Variants in TM9SF2 observed in about 807,000 individuals in gnomAD.
TM9SF2 encodes the protein 76 kDa membrane protein.
A neutral mutation model predicts 84.9 loss-of-function variants in TM9SF2; 13 were observed. The ratio of observed to expected loss-of-function variants is 0.15; its 90% CI spans 0.10 to 0.24. The LOEUF (loss-of-function observed/expected upper bound fraction) is 0.24. Among genes scored for constraint, TM9SF2 ranks in the 10% least tolerant of loss-of-function variants. The probability of loss-of-function intolerance (pLI) is 1.00; values close to 1 mark genes in which losing one functional copy is unlikely to be tolerated. For synonymous variants in TM9SF2, 273 were observed against 285.8 expected, an observed-to-expected ratio of 0.96 and a Z score of 0.45; for missense variants, 562 against 818.5, an observed-to-expected ratio of 0.69 and a Z score of 3.82.
In TM9SF2 at chr13:99,562,777, G is replaced by GT; in HGVS notation, c.*21dup. 2 of 1,605,998 alleles carry GT rather than the reference G, an allele frequency of 1.2e-6. No individual in the cohort carries two copies. The highest frequency in any genetic ancestry group is 1.7e-6 in the Non-Finnish European group (2 of 1,176,990). ...TGACTGAAGAAGTCCAGTGTGTCCA[G>GT]TTAAAACAGAAATAAATTAAACTCT... On this transcript the variant is annotated 3_prime_UTR_variant, in exon 17 of 17. Coordinates refer to ENST00000376387, the MANE Select transcript of TM9SF2 (RefSeq NM_004800.3).
At position 99,540,802 on chromosome 13, in the gene TM9SF2, A is replaced by G; in HGVS notation, c.908+9A>G. 1.2e-6 allele frequency: 2 copies of G among 1,612,098 alleles called. No individual in the cohort carries two copies. The highest frequency in any genetic ancestry group is 1.7e-6 in the Non-Finnish European group (2 of 1,178,498). ...CACATTCAGTGGTTTAGGTAAGAGTACAGAGTTAGCCTGCTTTTGCTTTCT... is the reference window on the plus strand; with the variant it reads ...CACATTCAGTGGTTTAGGTAAGAGTGCAGAGTTAGCCTGCTTTTGCTTTCT... On this transcript the variant is annotated intron_variant, in intron 8 of 16. Coordinates refer to ENST00000376387, the MANE Select transcript of TM9SF2 (RefSeq NM_004800.3).
chr13:99,508,444 C>CACACACACACACACACACACA (rs1555339315), intron 1 of TM9SF2, among the ~76,000 whole-genome samples: 3 of 143,506 alleles, frequency 2.1e-5, no homozygotes, highest in African/African-American at 5.2e-5. Flanking sequence ...CACACACACA[C>CACACACACACACACACACACA]CCCAGAGATT....
intron 6 of TM9SF2, 70 bp downstream of exon 6, chr13:99,537,933 G>A (rs779165260): frequency 2.0e-4 from 303 of 1,507,824 alleles, no homozygotes; most frequent in Middle Eastern, 9.7e-4. Context: ...AGTATTTGGG[G>A]CTCAATTACT....
At chr13:99,533,886 C>T (rs2046222106) in intron 4 of TM9SF2, among the ~76,000 whole-genome samples, 1 of 152,100 alleles carries the variant, frequency 6.6e-6, no homozygotes, top group Non-Finnish European at 1.5e-5. Flanking sequence ...GGCCAGGCTG[C>T]TCTCGAACTC....
At chr13:99,552,783 TA>T (rs1456080944) in intron 13 of TM9SF2, among the ~76,000 whole-genome samples, 1 of 152,202 alleles carries the variant, frequency 6.6e-6, no homozygotes, top group Non-Finnish European at 1.5e-5. Context: ...TTTGTATTTT[TA>T]GTGGAGACAA....
chr13:99,558,233 A>G (rs1309832959), intron 15 of TM9SF2, among the ~76,000 whole-genome samples: 1 of 152,226 alleles, frequency 6.6e-6, no homozygotes, highest in Non-Finnish European at 1.5e-5. Flanking sequence ...GCTTCGTAGT[A>G]AGTTTTGAAA....
chr13:99,560,686 A>G (rs1013946164), intron 16 of TM9SF2, among the ~76,000 whole-genome samples: 1 of 151,940 alleles, frequency 6.6e-6, no homozygotes, highest in South Asian at 2.1e-4. Flanking sequence ...TATTTATTTT[A>G]TTTTTATTTT....
Position 99,536,642 on chromosome 13 carries a change from G to A in TM9SF2, c.496G>A (p.Asp166Asn), listed in dbSNP as rs2046235841. Residue 166 changes from aspartate to asparagine, a missense_variant, in exon 5 of 17, where the codon GAT becomes AAT. Around this residue, in one of 4 missense-constraint regions of TM9SF2, gnomAD observed 267 missense variants for 316.7 expected, o/e 0.84. Transcript: ENST00000376387. Reference sequence around the variant, plus strand: ...TAATATGCCTGTAACGTGGTGTTACGATGTTGAAGATGGTCAGAGGTTCTG... The same window carrying A: ...TAATATGCCTGTAACGTGGTGTTACAATGTTGAAGATGGTCAGAGGTTCTG... ...VDNMPVTWCYDVEDGQRFCNP... is the reference protein window; with the variant it reads ...VDNMPVTWCYNVEDGQRFCNP... The A allele has an allele frequency of 1.2e-6, 2 of 1,613,668 alleles. No individual in the cohort carries two copies. Among genetic ancestry groups the A allele is most frequent in the East Asian group, 2.2e-5 (1 of 44,828 alleles).
At position 99,513,835 on chromosome 13, in the gene TM9SF2, A is replaced by C. The variant is rs144982247; in HGVS notation, c.172-3779A>C. The stretch of plus-strand genomic sequence containing the variant: ...GTGAAAGTTTTATTGGGCTACAGCC[A>C]TGCTCACTTGTGGATGTAGTGTCTA... On this transcript the variant is annotated intron_variant, in intron 1 of 16. Transcript: ENST00000376387. Among the ~76,000 whole-genome samples, 5 of 152,376 alleles carry C rather than the reference A, an allele frequency of 3.3e-5. No individual in the cohort carries two copies. In the East Asian group the frequency reaches 9.6e-4, roughly 29 times the overall value.
intron 3 of TM9SF2, among the ~76,000 whole-genome samples, chr13:99,524,115 T>C (rs1282964585): frequency 6.6e-6 from 1 of 152,156 alleles, no homozygotes; most frequent in East Asian, 1.9e-4. Flanking sequence ...ACTGTGAGGA[T>C]TGGCCTTTAC....
chr13:99,559,679 GT>G, intron 16 of TM9SF2, 145 bp downstream of exon 16: 1 of 743,616 alleles, frequency 1.3e-6, no homozygotes, highest in Non-Finnish European at 2.1e-6. Context: ...GCATAGTTGG[GT>G]CTGCCCACCT....
At chr13:99,509,613 C>G (rs2046104668) in intron 1 of TM9SF2, among the ~76,000 whole-genome samples, 1 of 152,206 alleles carries the variant, frequency 6.6e-6, no homozygotes, top group African/African-American at 2.4e-5. Context: ...CTGGAGTGGC[C>G]TGAATGCTGG....
rs376682062 is a variant in TM9SF2 at position 99,529,451 on chromosome 13, C to T, written c.334-16C>T. The T allele has an allele frequency of 2.7e-6, 4 of 1,491,728 alleles. No homozygotes were observed. The highest frequency in any genetic ancestry group is 3.6e-6 in the Non-Finnish European group (4 of 1,124,968). 92.4% of individuals were successfully genotyped at this position (1,491,728 alleles called of 1,614,324 possible). ...ATATTTTTTCTGAATTTGCTTTCCA[C>T]TTCCTTTTAATACAGTTTACGTTTA... On this transcript the variant is annotated splice_polypyrimidine_tract_variant and intron_variant, in intron 3 of 16. Transcript: ENST00000376387.
rs1249200374 is a variant in TM9SF2 at position 99,518,913 on chromosome 13, C to G, written c.240-1123C>G. 2.0e-5 allele frequency among the ~76,000 whole-genome samples: 3 copies of G among 151,820 alleles called. No individual in the cohort carries two copies. The East Asian group carries it at 5.8e-4, about 29-fold the overall frequency. ...ACAGGCATGAGCCATTGTGCCTGGC[C>G]CAGTTTTTTGATATTGTGAAAAACG... On this transcript the variant is annotated intron_variant, in intron 2 of 16. Transcript: ENST00000376387.
intron 11 of TM9SF2, among the ~76,000 whole-genome samples, chr13:99,548,497 T>A (rs2046292955): frequency 6.6e-6 from 1 of 152,192 alleles, no homozygotes; most frequent in African/African-American, 2.4e-5. Context: ...CCAGTTTCAT[T>A]TCTGACTTAA....
intron 5 of TM9SF2, among the ~76,000 whole-genome samples, 156 bp downstream of exon 5, chr13:99,536,893 A>G (rs1217028419): frequency 6.6e-6 from 1 of 152,224 alleles, no homozygotes; most frequent in Non-Finnish European, 1.5e-5. Flanking sequence ...CAGCAGATTA[A>G]TAATGTATAA....
At chr13:99,562,636 G>A in intron 16 of TM9SF2, 55 bp from the exon 17 acceptor site, 3 of 1,550,142 alleles carry the variant, frequency 1.9e-6, no homozygotes, top group Non-Finnish European at 2.6e-6. Context: ...GTATTTTTGT[G>A]TAAAGTATGA....
intron 3 of TM9SF2, among the ~76,000 whole-genome samples, chr13:99,525,062 G>T (rs1358991002): frequency 6.6e-6 from 1 of 152,118 alleles, no homozygotes; most frequent in Non-Finnish European, 1.5e-5. Context: ...CTTGGGTTTA[G>T]CCTTCAATGT....
intron 1 of TM9SF2, among the ~76,000 whole-genome samples, chr13:99,508,439 A>ACACACACC (rs1173676529): frequency 5.9e-5 from 9 of 151,448 alleles, no homozygotes; most frequent in Non-Finnish European, 1.0e-4. Flanking sequence ...ACACACACAC[A>ACACACACC]CACACCCCAG....
Sources: allele counts gnomAD v4.1 joint callset (sites outside exome capture counted in the v4.1 genomes callset), GRCh38; gene constraint gnomAD v4.1.1; regional missense constraint gnomAD v4.1.1; transcripts MANE v1.5; gene names NCBI Gene and HGNC (gene_info 2026-07-23, HGNC 2026-07-21).